KIF1A: variants seen among roughly 807,000 people sequenced by gnomAD.
The protein encoded by KIF1A is kinesin family member 1A.
Under a neutral mutation model 227.3 loss-of-function variants are expected in KIF1A, and 46 were observed. The ratio of observed to expected loss-of-function variants is 0.20; its 90% CI spans 0.16 to 0.26. The LOEUF (loss-of-function observed/expected upper bound fraction) is 0.26, where lower values mean the gene tolerates loss of function less well. KIF1A is among the 10% of genes least tolerant of loss of function. The pLI is 1.00. For synonymous variants in KIF1A, 1,022 were observed against 1,012.8 expected, an observed-to-expected ratio of 1.01 and a Z score of -0.17; for missense variants, 1,683 against 2,485.9, an observed-to-expected ratio of 0.68 and a Z score of 6.87.
intron 1 of KIF1A, among the ~76,000 whole-genome samples, chr2:240,815,908 C>T (rs1276988940): frequency 6.6e-6 from 1 of 152,120 alleles, no homozygotes; most frequent in Non-Finnish European, 1.5e-5. Context: ...TGTGGAGTGG[C>T]ATGGGATAAA....
At chr2:240,780,382 G>A (rs957163281) in intron 10 of KIF1A, among the ~76,000 whole-genome samples, 10 of 151,750 alleles carry the variant, frequency 6.6e-5, no homozygotes, top group African/African-American at 1.9e-4. Flanking sequence ...TTCCCCACAC[G>A]AGCGCACACT....
chr2:240,800,981 C>A (rs1337861663), intron 1 of KIF1A, among the ~76,000 whole-genome samples: 1 of 147,162 alleles, frequency 6.8e-6, no homozygotes, highest in African/African-American at 2.6e-5. Context: ...TGGAAGCCAT[C>A]TGGAACCTCT....
chr2:240,787,281 C>T lies in KIF1A; in HGVS notation c.399G>A (p.Thr133=), dbSNP rs755122109. 15 of 1,613,262 alleles carry T rather than the reference C, an allele frequency of 9.3e-6. No individual in the cohort carries two copies. Among genetic ancestry groups the T allele is most frequent in the Middle Eastern group, 1.6e-4 (1 of 6,082 alleles). The change falls in exon 5 of 49, where the codon ACG becomes ACA. Residue 133 remains threonine, a synonymous_variant. Transcript: ENST00000498729. ...CEDLFSRIND[T]TNDNMSYSVE... ...CGGAGTAGGACATGTTGTCGTTGGTCGTGTCGTTGATCCGAGAGAAGAGGT... is the reference window on the plus strand; with the variant it reads ...CGGAGTAGGACATGTTGTCGTTGGTTGTGTCGTTGATCCGAGAGAAGAGGT...
chr2:240,734,805 T>C (rs3755533), intron 38 of KIF1A: 932,084 of 1,252,656 alleles, frequency 0.74, 351,742 homozygotes, highest in African/African-American at 0.92. Context: ...GGGAGCGGGG[T>C]GGGGGACAGG....
intron 32 of KIF1A, among the ~76,000 whole-genome samples, chr2:240,744,667 G>A (rs1229184315): frequency 6.6e-6 from 1 of 152,194 alleles, no homozygotes; most frequent in African/African-American, 2.4e-5. Context: ...CAAGGATAGA[G>A]GCCTAAGAAG....
chr2:240,758,422 G>A lies in KIF1A; in HGVS notation c.2520C>T (p.Asp840=), dbSNP rs2050124106. Residue 840 remains aspartate (D), a synonymous_variant, in exon 26 of 49, where the codon GAC becomes GAT. Transcript: ENST00000498729. This position sits in a 1 kb window ranked among gnomAD's most constrained non-coding sequence, Gnocchi z 5.2. ...EVPSSVIEDC[D]NVVTGGDPFY... ...AGGGGTCTCCGCCGGTCACCACGTT[G>A]TCACAGTCCTCGATGACACTGGAGG... The A allele has an allele frequency of 1.2e-6, 2 of 1,612,944 alleles. No homozygotes were observed. Among genetic ancestry groups the A allele is most frequent in the Non-Finnish European group, 8.5e-7 (1 of 1,179,372 alleles).
chr2:240,787,408 C>G, intron 4 of KIF1A, 92 bp from the exon 5 acceptor site: 1 of 1,095,306 alleles, frequency 9.1e-7, no homozygotes, highest in Admixed American at 1.7e-5. Context: ...CTGTGCCAGG[C>G]GGGATCCACC....
At chr2:240,731,224 G>A (rs1575534720) in intron 38 of KIF1A, among the ~76,000 whole-genome samples, 1 of 152,052 alleles carries the variant, frequency 6.6e-6, no homozygotes, top group African/African-American at 2.4e-5. Flanking sequence ...GCCCACCAAG[G>A]ACTTAGACAT....
chr2:240,799,932 T>C (rs2056810831), intron 1 of KIF1A, among the ~76,000 whole-genome samples: 1 of 152,186 alleles, frequency 6.6e-6, no homozygotes, highest in Non-Finnish European at 1.5e-5. Context: ...GCAATTCCGA[T>C]AAGCAAAATA....
chr2:240,722,058 G>A (rs1002534982), intron 43 of KIF1A, among the ~76,000 whole-genome samples, 174 bp from the exon 44 acceptor site: 4 of 152,208 alleles, frequency 2.6e-5, no homozygotes. Flanking sequence ...GGTGAGCCCA[G>A]GAAGTCTCCC....
In KIF1A at chr2:240,775,957, C is replaced by T. The variant is rs113227196; in HGVS notation, c.883-31G>A. 3.4e-4 allele frequency: 495 copies of T among 1,470,760 alleles called. 1 individual carries two copies. The African/African-American group carries it at 5.4e-3, about 16-fold the overall frequency. The allele number at this position is 1,470,760 out of a possible 1,614,324, so 91.1% of individuals were successfully genotyped here. ...GGGGAGGAACATTCAAGGTCAAGCC[C>T]GAGCCCACTGCAGAGGAAGCGAAAG... On this transcript the variant is annotated intron_variant, in intron 10 of 48. Coordinates refer to ENST00000498729, the MANE Select transcript of KIF1A (RefSeq NM_001244008.2). The surrounding 1 kb of genome is among the most constrained non-coding windows in gnomAD (Gnocchi z 5.5).
At chr2:240,815,681 G>A (rs933912492) in intron 1 of KIF1A, among the ~76,000 whole-genome samples, 3 of 152,196 alleles carry the variant, frequency 2.0e-5, no homozygotes, top group East Asian at 1.9e-4. Context: ...GCTGGCCCCC[G>A]TGGGGGTGGG....
intron 2 of KIF1A, 90 bp downstream of exon 2, chr2:240,797,546 CGGCCAGGGCCA>C: frequency 1.3e-6 from 1 of 794,060 alleles, no homozygotes; most frequent in Middle Eastern, 2.3e-4. Flanking sequence ...GGTGCTCTTG[CGGCCAGGGCCA>C]GGTTGACTGC....
chr2:240,755,752 A>T (rs2125857287), intron 27 of KIF1A, among the ~76,000 whole-genome samples: 1 of 152,282 alleles, frequency 6.6e-6, no homozygotes, highest in East Asian at 1.9e-4. Context: ...AGACTGCGAG[A>T]GCCCCACCCC....
chr2:240,750,051 C>A (rs2049034031), intron 28 of KIF1A, among the ~76,000 whole-genome samples: 1 of 152,210 alleles, frequency 6.6e-6, no homozygotes, highest in Admixed American at 6.5e-5. Context: ...TCCAGGTGGT[C>A]TTGGGTCCAT....
Position 240,788,005 on chromosome 2 carries a change from C to G in KIF1A, c.363+46G>C. On this transcript the variant is annotated intron_variant, in intron 4 of 48. Transcript: ENST00000498729. The surrounding 1 kb of genome is among the most constrained non-coding windows in gnomAD (Gnocchi z 6.6). ...CCGGAGCTCTCAGCCTCAGCTGGTC[C>G]CGCCCCATCTGCCAGGGCTGCCCCC... The G allele has an allele frequency of 1.3e-6, 2 of 1,523,284 alleles. No individual in the cohort carries two copies. The highest frequency in any genetic ancestry group is 1.8e-6 in the Non-Finnish European group (2 of 1,126,064). 94.4% of individuals were successfully genotyped at this position (1,523,284 alleles called of 1,614,324 possible).
At position 240,726,816 on chromosome 2, in the gene KIF1A, G is replaced by A; in HGVS notation, c.4122+10C>T. 6.4e-7 allele frequency: 1 copy of A among 1,568,308 alleles called. No individual in the cohort carries two copies. Among genetic ancestry groups the A allele is most frequent in the South Asian group, 1.1e-5 (1 of 88,272 alleles). ...GGTTTTGGTGGAGTGCCCTGGCATAGGTGCCTTGCCTCGATATAAGCGGAG... is the reference window on the plus strand; with the variant it reads ...GGTTTTGGTGGAGTGCCCTGGCATAAGTGCCTTGCCTCGATATAAGCGGAG... On this transcript the variant is annotated intron_variant, in intron 39 of 48. Transcript: ENST00000498729. This position sits in a 1 kb window ranked among gnomAD's most constrained non-coding sequence, Gnocchi z 5.2.
In KIF1A at chr2:240,717,235, C is replaced by T. The variant is rs779232085; in HGVS notation, c.*129G>A. On this transcript the variant is annotated 3_prime_UTR_variant, in exon 49 of 49. Coordinates refer to ENST00000498729, the MANE Select transcript of KIF1A (RefSeq NM_001244008.2). ...CACAGGTCCCCGGGCCTGGCATGGG[C>T]GTCCCCTGGGGGGTCGACCCGGTCG... 43 of 830,094 alleles carry T rather than the reference C, an allele frequency of 5.2e-5. No individual in the cohort carries two copies. Among genetic ancestry groups the T allele is most frequent in the Admixed American group, 8.4e-5 (4 of 47,346 alleles). 51.4% of individuals were successfully genotyped at this position (830,094 alleles called of 1,614,324 possible).
rs1438015432 is a variant in KIF1A, at chr2:240,763,102, G to A, written c.1950-11C>T. 2.5e-6 allele frequency: 4 copies of A among 1,593,750 alleles called. No homozygotes were observed. The highest frequency in any genetic ancestry group is 3.4e-6 in the Non-Finnish European group (4 of 1,172,478). On this transcript the variant is annotated splice_polypyrimidine_tract_variant and intron_variant, in intron 21 of 48. Transcript: ENST00000498729. The stretch of plus-strand genomic sequence containing the variant: ...TCCAGTTCCTGGAGCCTGCAAGGGG[G>A]CATTGGGGTGAGCACGGGAGGGCAG...
Sources: gnomAD v4.1 joint callset for allele counts (sites outside exome capture counted in the v4.1 genomes callset) on GRCh38, gnomAD v4.1.1 for gene constraint, Gnocchi (gnomAD v3.1) non-coding constraint, MANE v1.5 for transcripts, NCBI Gene and HGNC (gene_info 2026-07-23, HGNC 2026-07-21) for gene names.